AKAP13: variants seen among roughly 807,000 people sequenced by gnomAD.
AKAP13 encodes A-kinase anchor protein 13.
In AKAP13, 80 loss-of-function variants were observed where a neutral mutation model predicts 264.5. That is an observed-to-expected ratio of 0.30 (90% CI 0.25 to 0.36). The LOEUF (loss-of-function observed/expected upper bound fraction) is 0.36. Ranked by LOEUF, AKAP13 falls within the 10% of genes least tolerant of loss-of-function variation. The pLI is 1.00. For missense variants in AKAP13, 3,712 were observed against 3,435.2 expected, an observed-to-expected ratio of 1.08 and a Z score of -2.01; for synonymous variants, 1,380 against 1,250.2, an observed-to-expected ratio of 1.10 and a Z score of -2.19.
chr15:85,686,338 G>A (rs975162454), intron 16 of AKAP13, among the ~76,000 whole-genome samples: 2 of 152,142 alleles, frequency 1.3e-5, no homozygotes, highest in African/African-American at 4.8e-5. Context: ...AAAACAAGGT[G>A]CACTAAGCTT....
intron 8 of AKAP13, among the ~76,000 whole-genome samples, chr15:85,586,528 C>T (rs1361019348): frequency 6.6e-6 from 1 of 152,138 alleles, no homozygotes; most frequent in African/African-American, 2.4e-5. Flanking sequence ...AAACCTGACT[C>T]TTCTTTCTTT....
At chr15:85,478,499 A>G (rs1416406326) in intron 1 of AKAP13, among the ~76,000 whole-genome samples, 1 of 152,054 alleles carries the variant, frequency 6.6e-6, no homozygotes, top group Non-Finnish European at 1.5e-5. Context: ...GTGTTTGTGC[A>G]TGTGTTTGGC....
chr15:85,488,955 T>C (rs2075650417), intron 2 of AKAP13, among the ~76,000 whole-genome samples: 1 of 152,182 alleles, frequency 6.6e-6, no homozygotes, highest in Non-Finnish European at 1.5e-5. Context: ...TTTGAGAAAA[T>C]TAGTGATAAA....
chr15:85,715,325 C>T (rs1389213968), intron 19 of AKAP13, among the ~76,000 whole-genome samples: 4 of 152,162 alleles, frequency 2.6e-5, no homozygotes, highest in Non-Finnish European at 5.9e-5. Context: ...CACCAGTCTT[C>T]TTGTGATACT....
At position 85,747,575 on chromosome 15, in the gene AKAP13, T is replaced by C. The variant is rs115043520; in HGVS notation, c.*2898T>C. ...GAGCTTCCTGGAAGGAGACTGCGTC[T>C]TCTCTCAATTCCAGTCATCTCAGTC... On this transcript the variant is annotated 3_prime_UTR_variant, in exon 37 of 37. Transcript: ENST00000394518. 3.9e-5 allele frequency: 6 copies of C among 152,666 alleles called. No homozygotes were observed. The highest frequency in any genetic ancestry group is 8.8e-5 in the Non-Finnish European group (6 of 68,050). 9.5% of individuals were successfully genotyped at this position (152,666 alleles called of 1,614,324 possible). A position where few individuals can be genotyped will look rare whatever the true frequency, so the allele number is the denominator to read the frequency against.
At position 85,693,434 on chromosome 15, in the gene AKAP13, A is replaced by T. The variant is rs1376941721; in HGVS notation, c.5447A>T (p.Asp1816Val). ...TGTATGAAGCCCTTCACCAACAAAG[A>T]TGCCTATACTTGTGCAAGTAAGAGA... ...SQCMKPFTNK[D>V]AYTCANCSAF... The change falls in exon 17 of 37, where the codon GAT becomes GTT. Residue 1816 changes from aspartate to valine, a missense_variant. Physicochemically the swap from Asp to Val is radical, Grantham distance 152 (BLOSUM62 -3). Transcript: ENST00000394518. The T allele has an allele frequency of 6.2e-7, 1 of 1,613,140 alleles. No homozygotes were observed. The highest frequency in any genetic ancestry group is 1.7e-5 in the Admixed American group (1 of 59,738).
intron 1 of AKAP13, among the ~76,000 whole-genome samples, chr15:85,466,696 C>G (rs943059164): frequency 6.6e-6 from 1 of 152,164 alleles, no homozygotes; most frequent in Non-Finnish European, 1.5e-5. Context: ...GCATCTTATT[C>G]ATCATAATGG....
At chr15:85,666,807 T>C (rs1596981661) in intron 13 of AKAP13, among the ~76,000 whole-genome samples, 1 of 152,374 alleles carries the variant, frequency 6.6e-6, no homozygotes, top group East Asian at 1.9e-4. Flanking sequence ...GATTTCCATG[T>C]CAGCCAAATC....
chr15:85,588,793 A>G (rs867231107), intron 8 of AKAP13, among the ~76,000 whole-genome samples: 27 of 152,282 alleles, frequency 1.8e-4, no homozygotes, highest in Admixed American at 1.3e-4. Context: ...CAGCTGGAAG[A>G]GTTTGAGGTT....
At chr15:85,626,211 A>G (rs1357956274) in intron 8 of AKAP13, among the ~76,000 whole-genome samples, 2 of 152,254 alleles carry the variant, frequency 1.3e-5, no homozygotes, top group Non-Finnish European at 2.9e-5. Context: ...ACAAGCTTGC[A>G]TATCTCTAAC....
intron 4 of AKAP13, among the ~76,000 whole-genome samples, chr15:85,543,149 T>C (rs977025785): frequency 6.6e-6 from 1 of 152,216 alleles, no homozygotes; most frequent in Non-Finnish European, 1.5e-5. Context: ...TTCCTTATTG[T>C]GCCAGGAGAT....
chr15:85,721,694 A>G (rs186409194), intron 23 of AKAP13, among the ~76,000 whole-genome samples: 21 of 152,352 alleles, frequency 1.4e-4, no homozygotes, highest in Admixed American at 1.2e-3. Flanking sequence ...GTTAGAATAC[A>G]TTTTGCATTT....
intron 1 of AKAP13, among the ~76,000 whole-genome samples, chr15:85,476,398 G>A (rs1183670217): frequency 6.6e-6 from 1 of 152,154 alleles, no homozygotes; most frequent in African/African-American, 2.4e-5. Flanking sequence ...ATTAGGGATC[G>A]ACACAGTGAT....
intron 8 of AKAP13, among the ~76,000 whole-genome samples, chr15:85,597,166 A>G (rs915923577): frequency 6.6e-6 from 1 of 152,208 alleles, no homozygotes; most frequent in African/African-American, 2.4e-5. Flanking sequence ...AAATCTTCCA[A>G]AAATAATTGT....
At chr15:85,665,527 T>TA (rs1241517165) in intron 13 of AKAP13, among the ~76,000 whole-genome samples, 14 of 152,350 alleles carry the variant, frequency 9.2e-5, no homozygotes, top group Admixed American at 8.5e-4. Context: ...ATTCTTTTTT[T>TA]AAAAAATTAT....
At chr15:85,480,107 A>T (rs924262198) in intron 1 of AKAP13, among the ~76,000 whole-genome samples, 7 of 152,206 alleles carry the variant, frequency 4.6e-5, no homozygotes, top group Admixed American at 4.6e-4. Flanking sequence ...TAAGAAACAG[A>T]TTATTTAGGG....
intron 1 of AKAP13, among the ~76,000 whole-genome samples, chr15:85,456,796 C>T (rs1025522176): frequency 7.9e-5 from 12 of 152,156 alleles, no homozygotes; most frequent in African/African-American, 2.7e-4. Flanking sequence ...TTCCTTATAG[C>T]TCATGTTGAC....
intron 1 of AKAP13, chr15:85,415,235 A>G: frequency 1.3e-6 from 2 of 1,557,922 alleles, no homozygotes; most frequent in Non-Finnish European, 1.7e-6. Context: ...TCATGGCCAC[A>G]GTTCAGCAGC....
rs891800040 is a variant in AKAP13 at position 85,583,075 on chromosome 15, A to G, written c.4039+968A>G. On this transcript the variant is annotated intron_variant, in intron 7 of 36. Coordinates refer to ENST00000394518, the MANE Select transcript of AKAP13 (RefSeq NM_007200.5). ...CGATCTTGGCTCCTGAAGTCTTTAA[A>G]GGTCAGTTTGATGCACACTTCTATA... 3 of 985,476 alleles carry G rather than the reference A, an allele frequency of 3.0e-6. No homozygotes were observed. In the South Asian group the frequency reaches 1.4e-4, roughly 46 times the overall value. 61.0% of individuals were successfully genotyped at this position (985,476 alleles called of 1,614,324 possible). A position where few individuals can be genotyped will look rare whatever the true frequency, so the allele number is the denominator to read the frequency against.
Sources: allele counts gnomAD v4.1 joint callset (sites outside exome capture counted in the v4.1 genomes callset), GRCh38; gene constraint gnomAD v4.1.1; transcripts MANE v1.5; gene names NCBI Gene and HGNC (gene_info 2026-07-23, HGNC 2026-07-21).